TRAPPC9: variants seen among roughly 807,000 people sequenced by gnomAD.
TRAPPC9 encodes IKK2 binding protein.
TRAPPC9 carries 83 observed loss-of-function variants against 124.0 expected under a neutral mutation model. The observed-to-expected ratio is 0.67, with a 90% CI of 0.56 to 0.80. TRAPPC9 has a LOEUF of 0.80. Among genes scored for constraint, TRAPPC9 ranks in the 30% least tolerant of loss-of-function variants. TRAPPC9 has a pLI of 0.00. For synonymous variants in TRAPPC9, 638 were observed against 617.5 expected (o/e 1.03, Z -0.49); for missense variants, 1,302 against 1,508.3 (o/e 0.86, Z 2.27).
At chr8:139,972,668 GGTGCT>G (rs2131616214) in intron 19 of TRAPPC9, among the ~76,000 whole-genome samples, 1 of 152,272 alleles carries the variant, frequency 6.6e-6, no homozygotes, top group Admixed American at 6.5e-5. Context: ...ACAAATCACA[GGTGCT>G]GTGGCCAAAG....
intron 16 of TRAPPC9, among the ~76,000 whole-genome samples, chr8:140,236,658 T>C (rs1295458215): frequency 6.6e-6 from 1 of 152,142 alleles, no homozygotes; most frequent in East Asian, 1.9e-4. Flanking sequence ...TAACAAAAAA[T>C]ATCAGGGAAT....
chr8:139,906,526 G>T (rs902982667), intron 20 of TRAPPC9, among the ~76,000 whole-genome samples: 2 of 152,132 alleles, frequency 1.3e-5, no homozygotes, highest in Non-Finnish European at 2.9e-5. Flanking sequence ...TGTTTCGACA[G>T]AAATTAAGTA....
At chr8:140,399,243 T>A (rs2069183383) in intron 6 of TRAPPC9, among the ~76,000 whole-genome samples, 1 of 152,248 alleles carries the variant, frequency 6.6e-6, no homozygotes, top group Admixed American at 6.5e-5. Flanking sequence ...AATATGGGGT[T>A]GGAGCCCCCA....
chr8:140,349,351 C>T (rs1184137026), intron 9 of TRAPPC9, among the ~76,000 whole-genome samples: 1 of 87,964 alleles, frequency 1.1e-5, no homozygotes, highest in South Asian at 3.3e-4. Flanking sequence ...GAAGGGGGCG[C>T]GCGAGGGAAG....
intron 19 of TRAPPC9, among the ~76,000 whole-genome samples, chr8:139,954,967 T>C (rs941418658): frequency 1.3e-5 from 2 of 152,262 alleles, no homozygotes; most frequent in African/African-American, 2.4e-5. Flanking sequence ...TTTATTTGTA[T>C]TGGTCTTACA....
intron 12 of TRAPPC9, 25 bp from the exon 13 acceptor site, chr8:140,287,759 A>G (rs1045230900): frequency 5.0e-6 from 8 of 1,613,946 alleles, no homozygotes; most frequent in Non-Finnish European, 6.8e-6. Flanking sequence ...GCAGCATCGT[A>G]AGCCCGGAGC....
intron 21 of TRAPPC9, among the ~76,000 whole-genome samples, chr8:139,761,641 AAC>A: frequency 6.6e-6 from 1 of 151,954 alleles, no homozygotes. Context: ...GCGTGCTGTC[AAC>A]ACAGCAAACT....
At chr8:139,968,556 C>T (rs150644939) in intron 19 of TRAPPC9, among the ~76,000 whole-genome samples, 2 of 152,304 alleles carry the variant, frequency 1.3e-5, no homozygotes, top group East Asian at 1.9e-4. Context: ...CAAAGTCACC[C>T]GCTCCTTAAG....
intron 5 of TRAPPC9, among the ~76,000 whole-genome samples, chr8:140,406,026 T>C (rs767781296): frequency 2.0e-5 from 3 of 152,214 alleles, no homozygotes; most frequent in East Asian, 1.9e-4. Flanking sequence ...CATTCTCTCA[T>C]AGCTTGAAGC....
rs979941856 is a variant in TRAPPC9, at chr8:139,879,228, G to A, written c.3055+6651C>T. ...GAGCCCAGGTCATGGGGGGTGGGGC[G>A]CAGGGAACACGGCAGCCCCAAAGCC... On this transcript the variant is annotated intron_variant, in intron 21 of 22. Coordinates refer to ENST00000438773, the MANE Select transcript of TRAPPC9 (RefSeq NM_001160372.4). 7.2e-5 allele frequency among the ~76,000 whole-genome samples: 11 copies of A among 152,168 alleles called. No individual in the cohort carries two copies. The South Asian group carries it at 1.0e-3, about 14-fold the overall frequency.
At position 140,136,603 on chromosome 8, in the gene TRAPPC9, C is replaced by G. The variant is rs188535624; in HGVS notation, c.2556+84856G>C. Among the ~76,000 whole-genome samples, 367 of 152,216 alleles carry G rather than the reference C, an allele frequency of 2.4e-3. 2 individuals carry two copies. The highest frequency in any genetic ancestry group is 0.02 in the Middle Eastern group (6 of 294). On this transcript the variant is annotated intron_variant, in intron 17 of 22. Transcript: ENST00000438773. ...CTGTAATCCCAGCACTTTGGGAGGC[C>G]GAGGCTGGTGGATCACCTGAGGTCA...
At chr8:139,935,645 T>G (rs1023958216) in intron 19 of TRAPPC9, among the ~76,000 whole-genome samples, 1 of 149,072 alleles carries the variant, frequency 6.7e-6, no homozygotes, top group African/African-American at 2.5e-5. Flanking sequence ...ATCTCTTAGT[T>G]AAAATATGCT....
intron 20 of TRAPPC9, among the ~76,000 whole-genome samples, chr8:139,900,145 T>C (rs972330691): frequency 3.3e-5 from 5 of 152,100 alleles, no homozygotes; most frequent in African/African-American, 1.2e-4. Context: ...ATCCATAAGC[T>C]CCCTCACAGC....
chr8:139,812,102 G>T (rs1427448028), intron 21 of TRAPPC9, among the ~76,000 whole-genome samples: 1 of 152,168 alleles, frequency 6.6e-6, no homozygotes, highest in Non-Finnish European at 1.5e-5. Context: ...ATGCACACAC[G>T]ATGTAGCTGA....
chr8:140,043,616 CCAGCCTA>C (rs1841399271), intron 17 of TRAPPC9, among the ~76,000 whole-genome samples: 1 of 152,194 alleles, frequency 6.6e-6, no homozygotes, highest in Admixed American at 6.5e-5. Context: ...GCTCTGCCCT[CCAGCCTA>C]CAGCAGGGTC....
intron 19 of TRAPPC9, among the ~76,000 whole-genome samples, chr8:139,957,013 A>C (rs1431434232): frequency 1.3e-5 from 2 of 152,260 alleles, no homozygotes; most frequent in Non-Finnish European, 2.9e-5. Flanking sequence ...TTCAAAGGCC[A>C]CTTCCTCAGA....
chr8:139,779,026 C>T (rs1175883507), intron 21 of TRAPPC9, among the ~76,000 whole-genome samples: 5 of 151,908 alleles, frequency 3.3e-5, no homozygotes, highest in African/African-American at 1.2e-4. Context: ...AAAGTAATGG[C>T]AAAAACTGCA....
intron 11 of TRAPPC9, among the ~76,000 whole-genome samples, chr8:140,297,130 C>T (rs1234932643): frequency 6.6e-6 from 1 of 152,182 alleles, no homozygotes; most frequent in Admixed American, 6.5e-5. Context: ...GCAACACACG[C>T]TGGAGCACAT....
chr8:140,266,754 G>A (rs1327403346), intron 15 of TRAPPC9, among the ~76,000 whole-genome samples: 1 of 151,950 alleles, frequency 6.6e-6, no homozygotes, highest in Non-Finnish European at 1.5e-5. Flanking sequence ...CAGCTACTCG[G>A]GAGGCTGAGG....
Sources: gnomAD v4.1 joint callset for allele counts (sites outside exome capture counted in the v4.1 genomes callset) on GRCh38, gnomAD v4.1.1 for gene constraint, MANE v1.5 for transcripts, NCBI Gene and HGNC (gene_info 2026-07-23, HGNC 2026-07-21) for gene names.